The following B3GALNT2 variants were observed in gnomAD, a reference collection of about 807,000 sequenced individuals.
B3GALNT2 encodes the protein UDP-GalNAc:beta-1,3-N-acetylgalactosaminyltransferase 2.
In B3GALNT2, 53 loss-of-function variants were observed where a neutral mutation model predicts 61.1. The observed-to-expected ratio is 0.87, with a 90% CI of 0.70 to 1.09. The LOEUF is 1.09. B3GALNT2 is among the 50% of genes least tolerant of loss of function. The pLI is 0.00. For synonymous variants in B3GALNT2, 223 were observed against 237.4 expected, an observed-to-expected ratio of 0.94 and a Z score of 0.56; for missense variants, 544 against 623.0, an observed-to-expected ratio of 0.87 and a Z score of 1.35.
At chr1:235,494,559 C>T in intron 2 of B3GALNT2, 122 bp downstream of exon 2, 1 of 1,072,384 alleles carries the variant, frequency 9.3e-7, no homozygotes, top group African/African-American at 1.6e-5. Flanking sequence ...CAAGCTCAAG[C>T]AATCCTTCCA....
At chr1:235,477,920 T>A (rs1017915775) in intron 5 of B3GALNT2, among the ~76,000 whole-genome samples, 2 of 152,184 alleles carry the variant, frequency 1.3e-5, no homozygotes, top group Admixed American at 6.5e-5. Context: ...GCCCCCAGAA[T>A]AACCATCTGA....
intron 5 of B3GALNT2, among the ~76,000 whole-genome samples, chr1:235,472,913 A>G (rs1044936194): frequency 6.6e-6 from 1 of 150,652 alleles, no homozygotes; most frequent in Non-Finnish European, 1.5e-5. Flanking sequence ...CTTTTTTTTT[A>G]TTTTTATTTT....
At chr1:235,472,813 T>C (rs922165315) in intron 5 of B3GALNT2, among the ~76,000 whole-genome samples, 1 of 152,190 alleles carries the variant, frequency 6.6e-6, no homozygotes, top group Non-Finnish European at 1.5e-5. Flanking sequence ...GCCAGCAGTA[T>C]AGGGAAACCA....
rs1473694555 is a variant in B3GALNT2 at position 235,450,065 on chromosome 1, A to G, written c.*141T>C. The G allele has an allele frequency of 2.0e-6, 2 of 1,000,690 alleles. No individual in the cohort carries two copies. The highest frequency in any genetic ancestry group is 2.9e-6 in the Non-Finnish European group (2 of 685,220). 62.0% of individuals were successfully genotyped at this position (1,000,690 alleles called of 1,614,324 possible). The stretch of plus-strand genomic sequence containing the variant: ...TTGTGCAAACATTAAGAAACACCGC[A>G]TTGGTTCTGGGTGAAAGTGCCAGTC... On this transcript the variant is annotated 3_prime_UTR_variant, in exon 12 of 12. Coordinates refer to ENST00000366600, the MANE Select transcript of B3GALNT2 (RefSeq NM_152490.5).
the B3GALNT2 span, among the ~76,000 whole-genome samples, chr1:235,440,575 G>A: frequency 1.3e-5 from 2 of 151,912 alleles, no homozygotes; most frequent in African/African-American, 4.8e-5. Context: ...TGTATTTTTA[G>A]TAGAGATGGG....
At chr1:235,443,088 C>A (rs1316253100), downstream of B3GALNT2, 9 of 649,696 alleles carry the variant, frequency 1.4e-5, no homozygotes, top group Admixed American at 2.6e-4. Context: ...CTCCCCCATG[C>A]CCCCAAAAGT....
At position 235,458,642 on chromosome 1, in the gene B3GALNT2, T is replaced by G. The variant is rs1558411365; in HGVS notation, c.986A>C (p.Tyr329Ser). Residue 329 changes from tyrosine (Y) to serine (S), a missense_variant, in exon 8 of 12, where the codon TAT becomes TCT. By Grantham distance (144) the Tyr-to-Ser change is moderately radical (BLOSUM62 -2). Transcript: ENST00000366600. ...CAATAATTTTGCAGGAACATTACGA[T>G]AAGTGTCGACAACATCCACAAAAAC... ...DIVFVDVVDT[Y>S]RNVPAKLLNF... The G allele has an allele frequency of 6.2e-7, 1 of 1,611,050 alleles. No individual in the cohort carries two copies. Among genetic ancestry groups the G allele is most frequent in the Non-Finnish European group, 8.5e-7 (1 of 1,179,126 alleles).
Position 235,448,036 on chromosome 1 carries a change from C to T in B3GALNT2, c.*2170G>A, listed in dbSNP as rs1572465589. Reference sequence around the variant, plus strand: ...CCAGCCTGGCCAACATGGTGAAACCCCGTCTCTACTAAAAATACAAAAGTT... The same window carrying T: ...CCAGCCTGGCCAACATGGTGAAACCTCGTCTCTACTAAAAATACAAAAGTT... On this transcript the variant is annotated 3_prime_UTR_variant, in exon 12 of 12. Coordinates refer to ENST00000366600, the MANE Select transcript of B3GALNT2 (RefSeq NM_152490.5). Among the ~76,000 whole-genome samples the T allele has an allele frequency of 1.3e-5, 2 of 151,988 alleles. No individual in the cohort carries two copies. The highest frequency in any genetic ancestry group is 1.3e-4 in the Admixed American group (2 of 15,244).
chr1:235,470,965 T>C lies in B3GALNT2; in HGVS notation c.652-5A>G, dbSNP rs755315882. 1.3e-5 allele frequency: 21 copies of C among 1,613,572 alleles called. 1 individual carries two copies. In the South Asian group the frequency reaches 2.1e-4, roughly 16 times the overall value. On this transcript the variant is annotated splice_region_variant and splice_polypyrimidine_tract_variant and intron_variant, in intron 5 of 11. Coordinates refer to ENST00000366600, the MANE Select transcript of B3GALNT2 (RefSeq NM_152490.5). ...CACGATTGTACCTTCAAAGCTCTTT[T>C]GTAGAAAGATGAATAGTGAGTCAAT... is the stretch of plus-strand genomic sequence containing the variant.
downstream of B3GALNT2, among the ~76,000 whole-genome samples, chr1:235,442,613 AC>A (rs1255077504): frequency 6.6e-6 from 1 of 152,170 alleles, no homozygotes. Flanking sequence ...TGACTTGAAA[AC>A]CTAGCCAAGC....
At chr1:235,491,735 C>T (rs1046270237) in intron 2 of B3GALNT2, among the ~76,000 whole-genome samples, 31 of 152,136 alleles carry the variant, frequency 2.0e-4, no homozygotes, top group African/African-American at 7.2e-4. Flanking sequence ...CACAACAGGT[C>T]TCGTCCTTCC....
At chr1:235,447,100 C>T (rs1682392210), downstream of B3GALNT2, among the ~76,000 whole-genome samples, 1 of 152,094 alleles carries the variant, frequency 6.6e-6, no homozygotes. Context: ...AAAGCCAGTC[C>T]GTCTCAATCT....
chr1:235,484,599 C>A, intron 3 of B3GALNT2, 84 bp from the exon 4 acceptor site: 2 of 1,426,074 alleles, frequency 1.4e-6, no homozygotes, highest in Admixed American at 5.1e-5. Context: ...GGGCTTAATG[C>A]CAAAACCTAG....
intron 1 of B3GALNT2, among the ~76,000 whole-genome samples, chr1:235,496,547 C>CA: frequency 7.5e-6 from 1 of 133,386 alleles, no homozygotes; most frequent in South Asian, 2.4e-4. Flanking sequence ...GTACTTGTTT[C>CA]TTTTTTTTTT....
At chr1:235,465,791 A>T (rs1468010307) in intron 6 of B3GALNT2, 77 bp from the exon 7 acceptor site, 2 of 1,543,734 alleles carry the variant, frequency 1.3e-6, no homozygotes, top group African/African-American at 2.7e-5. Flanking sequence ...ATTTGACAAA[A>T]ATCATAATAT....
chr1:235,483,149 A>T (rs1419384478), intron 4 of B3GALNT2, among the ~76,000 whole-genome samples: 1 of 152,224 alleles, frequency 6.6e-6, no homozygotes, highest in Non-Finnish European at 1.5e-5. Context: ...GGATAGGCTT[A>T]ACTTCAGATT....
intron 7 of B3GALNT2, chr1:235,464,717 T>C (rs1385328405): frequency 1.3e-5 from 2 of 151,944 alleles, no homozygotes; most frequent in African/African-American, 2.4e-5. Flanking sequence ...ATCATGCCAC[T>C]GCACTCCAGC....
At chr1:235,499,233 T>C (rs1042451325) in intron 1 of B3GALNT2, among the ~76,000 whole-genome samples, 4 of 152,228 alleles carry the variant, frequency 2.6e-5, no homozygotes, top group African/African-American at 7.2e-5. Context: ...ATGTAGATAC[T>C]AGACGGTTCT....
chr1:235,482,294 A>T (rs1684598987), intron 4 of B3GALNT2, among the ~76,000 whole-genome samples: 1 of 152,130 alleles, frequency 6.6e-6, no homozygotes, highest in South Asian at 2.1e-4. Context: ...CTCTAGGGTA[A>T]CTAGAAATTT....
Sources: allele counts gnomAD v4.1 joint callset (sites outside exome capture counted in the v4.1 genomes callset), GRCh38; gene constraint gnomAD v4.1.1; transcripts MANE v1.5; gene names NCBI Gene and HGNC (gene_info 2026-07-23, HGNC 2026-07-21).